Variants in NFATC1 observed in about 807,000 individuals in gnomAD.
NFATC1 encodes the protein nuclear factor of activated T cells 1.
Under a neutral mutation model 76.0 loss-of-function variants are expected in NFATC1, and 22 were observed. That is an observed-to-expected ratio of 0.29 (90% CI 0.21 to 0.41). The LOEUF (loss-of-function observed/expected upper bound fraction) is 0.41, where lower values mean the gene tolerates loss of function less well. Among genes scored for constraint, NFATC1 ranks in the 10% least tolerant of loss-of-function variants. NFATC1 has a pLI of 1.00. For missense variants in NFATC1, 1,357 were observed against 1,337.7 expected, an observed-to-expected ratio of 1.01 and a Z score of -0.23; for synonymous variants, 704 against 613.1, an observed-to-expected ratio of 1.15 and a Z score of -2.19.
chr18:79,504,845 GCT>G (rs2090090257), intron 9 of NFATC1, among the ~76,000 whole-genome samples: 10 of 148,966 alleles, frequency 6.7e-5, no homozygotes, highest in South Asian at 4.5e-4. Flanking sequence ...AGGAGGTGGT[GCT>G]GGAGGCCCTT....
At chr18:79,509,489 C>T (rs1285689046) in intron 9 of NFATC1, among the ~76,000 whole-genome samples, 3 of 152,336 alleles carry the variant, frequency 2.0e-5, no homozygotes, top group East Asian at 1.9e-4. Context: ...GATGCCGGCC[C>T]GGTGATGTTT....
At chr18:79,471,077 AAC>A (rs1384764617) in intron 8 of NFATC1, 1 of 152,186 alleles carries the variant, frequency 6.6e-6, no homozygotes, top group Non-Finnish European at 1.5e-5. Context: ...TAGAGGCTGG[AAC>A]ACACATGCCC....
chr18:79,458,354 G>A (rs535145346), intron 6 of NFATC1, among the ~76,000 whole-genome samples: 29 of 152,142 alleles, frequency 1.9e-4, no homozygotes, highest in Non-Finnish European at 3.8e-4. Flanking sequence ...AGGAGACGCC[G>A]TGGGGAGCAG....
chr18:79,474,056 C>CGTT (rs1243474052), intron 8 of NFATC1, among the ~76,000 whole-genome samples: 2 of 141,620 alleles, frequency 1.4e-5, no homozygotes, highest in South Asian at 2.3e-4. Flanking sequence ...TCGCTGTCAA[C>CGTT]GTAAACCTGA....
At chr18:79,449,536 C>T (rs959008888) in intron 4 of NFATC1, among the ~76,000 whole-genome samples, 10 of 152,306 alleles carry the variant, frequency 6.6e-5, no homozygotes, top group African/African-American at 1.7e-4. Flanking sequence ...TGAAGGCAGC[C>T]GAGGAGGAGG....
chr18:79,443,298 C>T (rs931806782), intron 3 of NFATC1, among the ~76,000 whole-genome samples: 1 of 152,250 alleles, frequency 6.6e-6, no homozygotes, highest in Admixed American at 6.5e-5. Context: ...CCTGCACGCA[C>T]TGTCACACAC....
intron 2 of NFATC1, among the ~76,000 whole-genome samples, chr18:79,432,409 A>G (rs931280020): frequency 1.3e-5 from 2 of 152,188 alleles, no homozygotes; most frequent in East Asian, 3.8e-4. Flanking sequence ...CTCTGGCCAC[A>G]TAGCGGTGAG....
intron 9 of NFATC1, among the ~76,000 whole-genome samples, chr18:79,495,018 C>G (rs1370892949): frequency 6.6e-6 from 1 of 152,258 alleles, no homozygotes; most frequent in East Asian, 1.9e-4. Context: ...AGCATGGAGC[C>G]CATGGCTGGA....
At chr18:79,412,690 C>T (rs1169200572) in intron 2 of NFATC1, among the ~76,000 whole-genome samples, 1 of 152,190 alleles carries the variant, frequency 6.6e-6, no homozygotes, top group East Asian at 1.9e-4. Flanking sequence ...GGAACGAACC[C>T]ACCCAAACCT....
intron 9 of NFATC1, chr18:79,497,670 C>T (rs562492417): frequency 1.3e-5 from 2 of 151,886 alleles, no homozygotes; most frequent in Non-Finnish European, 2.9e-5. Flanking sequence ...GTGAAGGCTT[C>T]GGTACAGAGA....
At chr18:79,427,224 C>T (rs1437485384) in intron 2 of NFATC1, among the ~76,000 whole-genome samples, 1 of 152,182 alleles carries the variant, frequency 6.6e-6, no homozygotes, top group Non-Finnish European at 1.5e-5. Flanking sequence ...ACCCACGTCC[C>T]ATTGTCTGTG....
At chr18:79,476,770 CA>C (rs1220443283) in intron 8 of NFATC1, among the ~76,000 whole-genome samples, 6 of 152,206 alleles carry the variant, frequency 3.9e-5, no homozygotes, top group Non-Finnish European at 8.8e-5. Flanking sequence ...GACACATGGC[CA>C]GGGTTAGCCA....
At chr18:79,418,095 C>T (rs1182406175) in intron 2 of NFATC1, among the ~76,000 whole-genome samples, 1 of 152,112 alleles carries the variant, frequency 6.6e-6, no homozygotes, top group Non-Finnish European at 1.5e-5. Flanking sequence ...GGGTGGAGCC[C>T]CCAGCACCCT....
In NFATC1 at chr18:79,527,538, A is replaced by C. The variant is rs757457172; in HGVS notation, c.2793A>C (p.Ile931=). The C allele has an allele frequency of 7.4e-6, 12 of 1,613,892 alleles. No homozygotes were observed. The South Asian group carries it at 1.3e-4, about 18-fold the overall frequency. ...DQLYLDDVNE[I]IRNDLSSTST... is the part of the protein sequence containing the mutation. ...TTTCTTTTCTTACAGTAAATGAAAT[A>C]ATACGAAATGACCTCTCCAGCACGA... The change falls in exon 10 of 10, where the codon ATA becomes ATC. Residue 931 remains isoleucine (I), a synonymous_variant. Transcript: ENST00000427363.
chr18:79,405,907 C>T (rs773176829), intron 1 of NFATC1, among the ~76,000 whole-genome samples: 3 of 152,240 alleles, frequency 2.0e-5, no homozygotes, highest in Non-Finnish European at 4.4e-5. Flanking sequence ...GGCGGAGTCT[C>T]CTCCTCTTCC....
At chr18:79,401,783 G>A (rs985865887) in intron 1 of NFATC1, among the ~76,000 whole-genome samples, 1 of 152,314 alleles carries the variant, frequency 6.6e-6, no homozygotes, top group South Asian at 2.1e-4. Flanking sequence ...ATCGGGGGTC[G>A]GGTGGGACCT....
At chr18:79,440,624 G>T (rs371359732) in intron 3 of NFATC1, among the ~76,000 whole-genome samples, 2 of 152,320 alleles carry the variant, frequency 1.3e-5, no homozygotes, top group South Asian at 4.1e-4. Flanking sequence ...TTTCTCCGAG[G>T]ACCTGGGGCT....
intron 6 of NFATC1, 49 bp downstream of exon 6, chr18:79,451,865 G>T (rs1286924324): frequency 1.3e-6 from 2 of 1,564,672 alleles, no homozygotes; most frequent in African/African-American, 1.4e-5. Context: ...CGGCGCTGGT[G>T]GGAACCGGTT....
At chr18:79,439,448 C>T (rs1227964231) in intron 3 of NFATC1, among the ~76,000 whole-genome samples, 2 of 152,228 alleles carry the variant, frequency 1.3e-5, no homozygotes, top group Non-Finnish European at 2.9e-5. Context: ...GGCACCGCTG[C>T]TGCCAAATGC....
Sources: gnomAD v4.1 joint callset for allele counts (sites outside exome capture counted in the v4.1 genomes callset) on GRCh38, gnomAD v4.1.1 for gene constraint, MANE v1.5 for transcripts, NCBI Gene and HGNC (gene_info 2026-07-23, HGNC 2026-07-21) for gene names.